Variants in SHISA9 observed in about 807,000 individuals in gnomAD.
SHISA9 encodes the protein protein shisa-9.
Under a neutral mutation model 38.0 loss-of-function variants are expected in SHISA9, and 13 were observed. That is an observed-to-expected ratio of 0.34 (90% CI 0.22 to 0.54). The LOEUF is 0.54. Ranked by LOEUF, SHISA9 falls within the 20% of genes least tolerant of loss-of-function variation. SHISA9 has a pLI of 0.91. For synonymous variants in SHISA9, 275 were observed against 242.0 expected (o/e 1.14, Z -1.27); for missense variants, 538 against 575.8 (o/e 0.93, Z 0.67).
chr16:13,320,045 C>A, the SHISA9 span, among the ~76,000 whole-genome samples: 3 of 151,776 alleles, frequency 2.0e-5, no homozygotes, highest in African/African-American at 2.4e-5. Flanking sequence ...GTAATCCAAG[C>A]ACTTTGGGAG....
At chr16:13,370,894 C>T in the SHISA9 span, among the ~76,000 whole-genome samples, 18 of 152,260 alleles carry the variant, frequency 1.2e-4, no homozygotes, top group African/African-American at 4.1e-4. Flanking sequence ...CACTTATGAG[C>T]ACTTGCTGGG....
At position 13,166,732 on chromosome 16, in the gene SHISA9, C is replaced by A. The variant is rs11648487; in HGVS notation, c.692-36662C>A. ...AAGGCAAAGGAAGAATCATGGGATG[C>A]GATAGTGGGAAGGTACTGGTGATCT... is the stretch of plus-strand genomic sequence containing the variant. On this transcript the variant is annotated intron_variant, in intron 2 of 4. Transcript: ENST00000558583. Among the ~76,000 whole-genome samples the A allele has an allele frequency of 2.0e-5, 3 of 152,040 alleles. No individual in the cohort carries two copies. In the East Asian group the frequency reaches 5.8e-4, roughly 29 times the overall value.
At chr16:13,281,701 T>A in the SHISA9 span, among the ~76,000 whole-genome samples, 1 of 151,696 alleles carries the variant, frequency 6.6e-6, no homozygotes, top group Non-Finnish European at 1.5e-5. Flanking sequence ...ATCTTCTTTG[T>A]AAACCAATTA....
At chr16:13,359,391 G>A in the SHISA9 span, among the ~76,000 whole-genome samples, 2 of 152,210 alleles carry the variant, frequency 1.3e-5, no homozygotes, top group Non-Finnish European at 2.9e-5. Flanking sequence ...GCTGAGGCAG[G>A]AGAATTGCTT....
intron 2 of SHISA9, among the ~76,000 whole-genome samples, chr16:13,093,269 C>A (rs775035319): frequency 6.6e-6 from 1 of 152,144 alleles, no homozygotes; most frequent in African/African-American, 2.4e-5. Context: ...GTAGATCCTG[C>A]CTGTCACTAT....
At chr16:13,161,925 T>G (rs1462210703) in intron 2 of SHISA9, among the ~76,000 whole-genome samples, 1 of 152,252 alleles carries the variant, frequency 6.6e-6, no homozygotes, top group Admixed American at 6.5e-5. Context: ...TGCATTTCAT[T>G]GCATGATTTT....
At chr16:13,164,594 C>T (rs1288247948) in intron 2 of SHISA9, among the ~76,000 whole-genome samples, 1 of 152,026 alleles carries the variant, frequency 6.6e-6, no homozygotes, top group East Asian at 1.9e-4. Context: ...AAGCTGAGGT[C>T]ATTCCTTTGA....
At chr16:13,520,861 C>T in the SHISA9 span, among the ~76,000 whole-genome samples, 5 of 152,120 alleles carry the variant, frequency 3.3e-5, no homozygotes, top group Non-Finnish European at 5.9e-5. Context: ...TTTTTACTGA[C>T]ATATAATAAT....
chr16:12,984,245 G>A (rs2072278499), intron 2 of SHISA9, among the ~76,000 whole-genome samples: 1 of 152,164 alleles, frequency 6.6e-6, no homozygotes, highest in Non-Finnish European at 1.5e-5. Flanking sequence ...GAGGTGCTGA[G>A]TGCCAGAAAG....
intron 2 of SHISA9, among the ~76,000 whole-genome samples, chr16:13,106,370 C>T (rs939740904): frequency 2.6e-5 from 4 of 152,164 alleles, no homozygotes; most frequent in African/African-American, 9.7e-5. Flanking sequence ...AGTCCACCTC[C>T]ACCACTTACT....
intron 2 of SHISA9, among the ~76,000 whole-genome samples, chr16:13,091,865 T>C (rs533962467): frequency 6.6e-6 from 1 of 152,314 alleles, no homozygotes; most frequent in South Asian, 2.1e-4. Flanking sequence ...CTGCGATCCT[T>C]TGGAGGAGAA....
the SHISA9 span, among the ~76,000 whole-genome samples, chr16:13,438,650 G>A: frequency 6.6e-6 from 1 of 152,122 alleles, no homozygotes; most frequent in Non-Finnish European, 1.5e-5. Context: ...GTTGCAAATA[G>A]GGGGAAAATA....
intron 2 of SHISA9, among the ~76,000 whole-genome samples, chr16:13,185,070 T>C (rs995932139): frequency 1.4e-4 from 22 of 152,246 alleles, no homozygotes; most frequent in African/African-American, 4.8e-4. Context: ...TTGCTACATA[T>C]CCTAAATTGA....
the SHISA9 span, among the ~76,000 whole-genome samples, chr16:13,272,068 T>C: frequency 7.7e-6 from 1 of 130,284 alleles, no homozygotes; most frequent in South Asian, 2.5e-4. Context: ...AAAAACTTCA[T>C]CTCAAAATTA....
chr16:13,010,733 C>T (rs1379805026), intron 2 of SHISA9, among the ~76,000 whole-genome samples: 1 of 152,136 alleles, frequency 6.6e-6, no homozygotes, highest in Non-Finnish European at 1.5e-5. Flanking sequence ...GGGCGGATCA[C>T]CTGAAGTCAG....
the SHISA9 span, among the ~76,000 whole-genome samples, chr16:13,413,829 A>T: frequency 1.3e-5 from 2 of 150,756 alleles, no homozygotes; most frequent in African/African-American, 4.9e-5. Context: ...ATATATTGGG[A>T]GAAACTGGTT....
intron 2 of SHISA9, among the ~76,000 whole-genome samples, chr16:12,946,693 C>G (rs945930265): frequency 6.6e-6 from 1 of 152,118 alleles, no homozygotes; most frequent in Non-Finnish European, 1.5e-5. Context: ...GGTTGGGGGC[C>G]GAGTAATTTC....
the SHISA9 span, among the ~76,000 whole-genome samples, chr16:13,304,016 A>T: frequency 3.8e-3 from 568 of 150,890 alleles, 3 homozygotes; most frequent in African/African-American, 0.012. Context: ...ATTGGAAATT[A>T]AAAAAAAAAA....
chr16:13,203,365 A>T, intron 2 of SHISA9, 29 bp from the exon 3 acceptor site: 1 of 1,498,554 alleles, frequency 6.7e-7, no homozygotes, highest in African/African-American at 1.4e-5. Flanking sequence ...CCTGTCTGTG[A>T]CAATCTCCTT....
Sources: gnomAD v4.1 joint callset for allele counts (sites outside exome capture counted in the v4.1 genomes callset) on GRCh38, gnomAD v4.1.1 for gene constraint, MANE v1.5 for transcripts, NCBI Gene and HGNC (gene_info 2026-07-23, HGNC 2026-07-21) for gene names.